TSC1: variants seen among roughly 807,000 people sequenced by gnomAD.
The protein encoded by TSC1 is hamartin.
In TSC1, 20 loss-of-function variants were observed where a neutral mutation model predicts 124.3. The ratio of observed to expected loss-of-function variants is 0.16; its 90% confidence interval spans 0.11 to 0.23. TSC1 has a LOEUF of 0.23. Ranked by LOEUF, TSC1 falls within the 10% of genes least tolerant of loss-of-function variation. TSC1 has a pLI of 1.00. For missense variants in TSC1, 1,124 were observed against 1,448.5 expected, an observed-to-expected ratio of 0.78 and a Z score of 3.64; for synonymous variants, 493 against 539.1, an observed-to-expected ratio of 0.91 and a Z score of 1.19.
rs1020512386 is a variant in TSC1 at position 132,903,568 on chromosome 9, C to T, written c.2208+83G>A. 36 of 1,604,268 alleles carry T rather than the reference C, an allele frequency of 2.2e-5. No homozygotes were observed. The highest frequency in any genetic ancestry group is 2.9e-5 in the Non-Finnish European group (34 of 1,174,582). On this transcript the variant is annotated intron_variant, in intron 17 of 22. Transcript: ENST00000298552. This position sits in a 1 kb window ranked among gnomAD's most constrained non-coding sequence, Gnocchi z 5.9. ...GAAGGACTGGGAACTCTGACCTCCT[C>T]GGCTGCTGTGCTTTATAAGCTATCA... is the stretch of plus-strand genomic sequence containing the variant.
chr9:132,942,779 G>A lies in TSC1; in HGVS notation c.-144+1764C>T, dbSNP rs1324980098. On this transcript the variant is annotated intron_variant, in intron 1 of 22. Transcript: ENST00000298552. Reference sequence around the variant, plus strand: ...TGTTTTGGATAAGATATTAACTTTAGTAAGAGGATATTTTCCGTTTACATC... The same window carrying A: ...TGTTTTGGATAAGATATTAACTTTAATAAGAGGATATTTTCCGTTTACATC... 2.0e-5 allele frequency among the ~76,000 whole-genome samples: 3 copies of A among 152,210 alleles called. 1 individual carries two copies. Among genetic ancestry groups the A allele is most frequent in the Non-Finnish European group, 4.4e-5 (3 of 68,036 alleles).
At position 132,896,640 on chromosome 9, in the gene TSC1, A is replaced by G. The variant is rs2131610319; in HGVS notation, c.3090T>C (p.Ser1030=). 6.2e-7 allele frequency: 1 copy of G among 1,613,760 alleles called. No individual in the cohort carries two copies. Among genetic ancestry groups the G allele is most frequent in the East Asian group, 2.2e-5 (1 of 44,870 alleles). ...TPRPSSARGS[S]GSRGGGGSSS... is the part of the protein sequence containing the mutation. Reference sequence around the variant, plus strand: ...TGCTGCCTCCACCACCTCTGCTTCCACTACTGCCCCGGGCGCTGCTGGGCC... The same window carrying G: ...TGCTGCCTCCACCACCTCTGCTTCCGCTACTGCCCCGGGCGCTGCTGGGCC... Residue 1030 remains serine (S), a synonymous_variant, in exon 23 of 23, where the codon AGT becomes AGC. Transcript: ENST00000298552. This position sits in a 1 kb window ranked among gnomAD's most constrained non-coding sequence, Gnocchi z 4.5.
chr9:132,914,966 G>C (rs573832672), intron 8 of TSC1, among the ~76,000 whole-genome samples: 90 of 152,214 alleles, frequency 5.9e-4, no homozygotes, highest in Non-Finnish European at 9.3e-4. Flanking sequence ...CTTGAGGCCA[G>C]GGGTTCAAGA....
At position 132,906,492 on chromosome 9, in the gene TSC1, T is replaced by C; in HGVS notation, c.1438+239A>G. The C allele has an allele frequency of 3.4e-5, 18 of 533,770 alleles. No individual in the cohort carries two copies. In the South Asian group the frequency reaches 3.7e-4, roughly 11 times the overall value. The allele number at this position is 533,770 out of a possible 1,614,324, so 33.1% of individuals were successfully genotyped here. A position where few individuals can be genotyped will look rare whatever the true frequency, so the allele number is the denominator to read the frequency against. On this transcript the variant is annotated intron_variant, in intron 14 of 22. Transcript: ENST00000298552. The surrounding 1 kb of genome is among the most constrained non-coding windows in gnomAD (Gnocchi z 4.1). ...TGAGCCTGGGAGGTCAAGGCTGCAG[T>C]GAGCCATGATCGTACCACTGCACTC...
intron 8 of TSC1, among the ~76,000 whole-genome samples, chr9:132,920,600 G>A (rs892353936): frequency 3.9e-5 from 6 of 152,076 alleles, no homozygotes; most frequent in African/African-American, 1.4e-4. Context: ...GGTGAGATTC[G>A]CTGTTGGGGG....
At chr9:132,925,443 C>T in intron 5 of TSC1, 144 bp downstream of exon 5, 1 of 939,240 alleles carries the variant, frequency 1.1e-6, no homozygotes, top group South Asian at 1.5e-5. Context: ...CAACTCTGGA[C>T]AACATTCTAT....
chr9:132,893,516 C>G lies in TSC1; in HGVS notation c.*2719G>C, dbSNP rs1844874731. 4.3e-6 allele frequency: 1 copy of G among 233,130 alleles called. No homozygotes were observed. Among genetic ancestry groups the G allele is most frequent in the Non-Finnish European group, 8.5e-6 (1 of 118,044 alleles). The allele number at this position is 233,130 out of a possible 1,614,324, so 14.4% of individuals were successfully genotyped here. Reference sequence around the variant, plus strand: ...CCGGAGCTCATTTGCTCTGCGTCTTCCTATCCCCCTCCCCGCTAAAACTGT... The same window carrying G: ...CCGGAGCTCATTTGCTCTGCGTCTTGCTATCCCCCTCCCCGCTAAAACTGT... On this transcript the variant is annotated 3_prime_UTR_variant, in exon 23 of 23. Transcript: ENST00000298552.
In TSC1 at chr9:132,906,988, G is replaced by C. The variant is rs1387279480; in HGVS notation, c.1334-153C>G. On this transcript the variant is annotated intron_variant, in intron 13 of 22. Coordinates refer to ENST00000298552, the MANE Select transcript of TSC1 (RefSeq NM_000368.5). This position sits in a 1 kb window ranked among gnomAD's most constrained non-coding sequence, Gnocchi z 4.1. ...GCTCTGTCCTGGGGATACTACAAAA[G>C]ACTGAAATATTAAAAATAATATAAC... 6.6e-6 allele frequency among the ~76,000 whole-genome samples: 1 copy of C among 152,100 alleles called. No individual in the cohort carries two copies. The highest frequency in any genetic ancestry group is 6.5e-5 in the Admixed American group (1 of 15,270).
At chr9:132,904,872 G>A (rs1020829257) in intron 15 of TSC1, among the ~76,000 whole-genome samples, 24 of 152,282 alleles carry the variant, frequency 1.6e-4, no homozygotes, top group African/African-American at 5.3e-4. Context: ...ATGTCACTCC[G>A]ATTTAAGGAA....
At position 132,896,844 on chromosome 9, in the gene TSC1, T is replaced by G. The variant is rs1242389498; in HGVS notation, c.2976-90A>C. 2 of 1,593,882 alleles carry G rather than the reference T, an allele frequency of 1.3e-6. No homozygotes were observed. Among genetic ancestry groups the G allele is most frequent in the East Asian group, 4.5e-5 (2 of 44,776 alleles). ...GAATTACACTGACACTCACTCACAC[T>G]GACACTGAACTCCGCTAGCCCACTC... On this transcript the variant is annotated intron_variant, in intron 22 of 22. Coordinates refer to ENST00000298552, the MANE Select transcript of TSC1 (RefSeq NM_000368.5). The surrounding 1 kb of genome is among the most constrained non-coding windows in gnomAD (Gnocchi z 4.5).
intron 12 of TSC1, chr9:132,909,651 A>G (rs1295424436): frequency 2.6e-5 from 4 of 152,196 alleles, no homozygotes; most frequent in African/African-American, 9.7e-5. Flanking sequence ...AAATAACTGC[A>G]TGAGGGCCAG....
chr9:132,895,818 T>A lies in TSC1; in HGVS notation c.*417A>T, dbSNP rs887099769. 2 of 299,124 alleles carry A rather than the reference T, an allele frequency of 6.7e-6. No homozygotes were observed. Among genetic ancestry groups the A allele is most frequent in the Admixed American group, 4.6e-5 (1 of 21,590 alleles). The allele number at this position is 299,124 out of a possible 1,614,324, so 18.5% of individuals were successfully genotyped here. A position where few individuals can be genotyped will look rare whatever the true frequency, so the allele number is the denominator to read the frequency against. On this transcript the variant is annotated 3_prime_UTR_variant, in exon 23 of 23. Coordinates refer to ENST00000298552, the MANE Select transcript of TSC1 (RefSeq NM_000368.5). ...CAGACTTACCTGCAATGCAACAAAC[T>A]ACCTGGTCTAATTGAGAGCCAACCC...
intron 1 of TSC1, among the ~76,000 whole-genome samples, chr9:132,938,744 C>A (rs193076338): frequency 1.9e-3 from 293 of 152,238 alleles, no homozygotes; most frequent in Non-Finnish European, 3.1e-3. Context: ...GCCAAGAGTA[C>A]ACACAAACCT....
chr9:132,934,367 T>C (rs1384072707), intron 2 of TSC1: 1 of 152,192 alleles, frequency 6.6e-6, no homozygotes, highest in East Asian at 1.9e-4. Flanking sequence ...TGAGACAGGA[T>C]CATCCAATTC....
At chr9:132,938,438 A>G (rs1397742754) in intron 1 of TSC1, among the ~76,000 whole-genome samples, 2 of 152,224 alleles carry the variant, frequency 1.3e-5, no homozygotes, top group East Asian at 3.8e-4. Context: ...GTTCATCATT[A>G]TAACTTCACT....
At position 132,900,841 on chromosome 9, in the gene TSC1, A is replaced by C. The variant is rs772414581; in HGVS notation, c.2503-4T>G. The C allele has an allele frequency of 5.0e-6, 8 of 1,613,968 alleles. No individual in the cohort carries two copies. Among genetic ancestry groups the C allele is most frequent in the Non-Finnish European group, 2.5e-6 (3 of 1,179,952 alleles). Reference sequence around the variant, plus strand: ...GGACCGACTCACTGTTTGAGAGCTAACCAAAAAACATGAGCAAAGTGAAAA... The same window carrying C: ...GGACCGACTCACTGTTTGAGAGCTACCCAAAAAACATGAGCAAAGTGAAAA... On this transcript the variant is annotated splice_region_variant and splice_polypyrimidine_tract_variant and intron_variant, in intron 19 of 22. Transcript: ENST00000298552.
Position 132,896,903 on chromosome 9 carries a change from T to A in TSC1, c.2976-149A>T, listed in dbSNP as rs1414325964. The A allele has an allele frequency of 3.7e-6, 5 of 1,351,662 alleles. No individual in the cohort carries two copies. Among genetic ancestry groups the A allele is most frequent in the Non-Finnish European group, 5.2e-6 (5 of 958,230 alleles). 83.7% of individuals were successfully genotyped at this position (1,351,662 alleles called of 1,614,324 possible). A position where few individuals can be genotyped will look rare whatever the true frequency, so the allele number is the denominator to read the frequency against. On this transcript the variant is annotated intron_variant, in intron 22 of 22. Transcript: ENST00000298552. The surrounding 1 kb of genome is among the most constrained non-coding windows in gnomAD (Gnocchi z 4.5). Reference sequence around the variant, plus strand: ...ATAATACTGGACTCAAGAGATCTCATCAAGAGAAACCTAAATCACAACTAG... The same window carrying A: ...ATAATACTGGACTCAAGAGATCTCAACAAGAGAAACCTAAATCACAACTAG...
At chr9:132,909,967 T>A (rs958969963) in intron 12 of TSC1, 2 of 154,616 alleles carry the variant, frequency 1.3e-5, no homozygotes, top group African/African-American at 4.8e-5. Context: ...CAGATGCCAA[T>A]GCAGTGGGAA....
intron 1 of TSC1, chr9:132,939,308 C>G (rs183623352): frequency 3.9e-5 from 6 of 152,338 alleles, no homozygotes; most frequent in African/African-American, 7.2e-5. Context: ...TAGGAAATAA[C>G]TACTTACTAT....
Sources: gnomAD v4.1 joint callset for allele counts (sites outside exome capture counted in the v4.1 genomes callset) on GRCh38, gnomAD v4.1.1 for gene constraint, Gnocchi (gnomAD v3.1) non-coding constraint, MANE v1.5 for transcripts, NCBI Gene and HGNC (gene_info 2026-07-23, HGNC 2026-07-21) for gene names.